Variants in MARCHF6 observed in about 807,000 individuals in gnomAD.
MARCHF6 encodes E3 ubiquitin-protein ligase MARCHF6.
A neutral mutation model predicts 133.7 loss-of-function variants in MARCHF6; 31 were observed. The observed-to-expected ratio is 0.23, with a 90% CI of 0.17 to 0.31. The LOEUF (loss-of-function observed/expected upper bound fraction) is 0.31, where lower values mean the gene tolerates loss of function less well. Ranked by LOEUF, MARCHF6 falls within the 10% of genes least tolerant of loss-of-function variation. The probability of loss-of-function intolerance (pLI) is 1.00; values close to 1 mark genes in which losing one functional copy is unlikely to be tolerated. For synonymous variants in MARCHF6, 395 were observed against 402.5 expected (o/e 0.98, Z 0.22); for missense variants, 723 against 1,121.6 (o/e 0.64, Z 5.08).
intron 25 of MARCHF6, 75 bp downstream of exon 25, chr5:10,430,103 A>G: frequency 2.0e-6 from 3 of 1,490,056 alleles, no homozygotes; most frequent in South Asian, 1.2e-5. Context: ...GTGACAAATC[A>G]TAGGAGGGAA....
At chr5:10,405,144 C>T (rs1354612280) in intron 15 of MARCHF6, among the ~76,000 whole-genome samples, 1 of 152,160 alleles carries the variant, frequency 6.6e-6, no homozygotes, top group Non-Finnish European at 1.5e-5. Context: ...CCTCCTTTAC[C>T]CCATCACCTG....
At chr5:10,384,688 G>C (rs1266582877) in intron 4 of MARCHF6, among the ~76,000 whole-genome samples, 1 of 152,198 alleles carries the variant, frequency 6.6e-6, no homozygotes. Context: ...AATAAAAAGA[G>C]TAGACAGTGC....
At chr5:10,379,926 G>A (rs940862126) in intron 3 of MARCHF6, among the ~76,000 whole-genome samples, 2 of 151,892 alleles carry the variant, frequency 1.3e-5, no homozygotes, top group East Asian at 1.9e-4. Context: ...TTAAATTACC[G>A]TTTTTTTCAT....
At chr5:10,377,553 GATTT>G (rs1736865999) in intron 1 of MARCHF6, among the ~76,000 whole-genome samples, 1 of 152,106 alleles carries the variant, frequency 6.6e-6, no homozygotes, top group African/African-American at 2.4e-5. Flanking sequence ...TTTCGACTTT[GATTT>G]ATTTAAAATC....
chr5:10,400,878 A>G (rs755353043), intron 11 of MARCHF6, 36 bp downstream of exon 11: 7 of 1,431,768 alleles, frequency 4.9e-6, no homozygotes, highest in South Asian at 2.3e-5. Flanking sequence ...ACTTTCATTC[A>G]TTACTCCCAA....
chr5:10,406,743 A>G (rs958318586), intron 16 of MARCHF6, among the ~76,000 whole-genome samples: 1 of 152,204 alleles, frequency 6.6e-6, no homozygotes, highest in African/African-American at 2.4e-5. Context: ...TTTTGTAGCC[A>G]TTAACATGGG....
chr5:10,358,544 A>G (rs143927464), intron 1 of MARCHF6, among the ~76,000 whole-genome samples: 216 of 152,334 alleles, frequency 1.4e-3, no homozygotes, highest in African/African-American at 5.0e-3. Flanking sequence ...CAGTATGATG[A>G]CTACATAACA....
At chr5:10,363,401 A>T (rs1429550216) in intron 1 of MARCHF6, among the ~76,000 whole-genome samples, 3 of 152,250 alleles carry the variant, frequency 2.0e-5, no homozygotes, top group Non-Finnish European at 4.4e-5. Flanking sequence ...GCTATTAAGC[A>T]TATGCAAATA....
chr5:10,368,209 A>T (rs186405712), intron 1 of MARCHF6, among the ~76,000 whole-genome samples: 15 of 152,318 alleles, frequency 9.8e-5, no homozygotes, highest in Non-Finnish European at 1.9e-4. Context: ...TTGACTTTGT[A>T]TGTTTGTAAT....
rs749222302 is a variant in MARCHF6 at position 10,402,577 on chromosome 5, T to C, written c.1167T>C (p.Ile389=). ...VVVEIGVFPL[I]CGWWLDICSL... ...TAGAAATTGGAGTATTCCCTCTCAT[T>C]TGTGGTTGGTGGCTGGATATCTGTT... The change falls in exon 14 of 26, where the codon ATT becomes ATC. Residue 389 remains isoleucine, a synonymous_variant. Transcript: ENST00000274140. 4 of 1,613,894 alleles carry C rather than the reference T, an allele frequency of 2.5e-6. No homozygotes were observed. The highest frequency in any genetic ancestry group is 1.1e-5 in the South Asian group (1 of 91,074).
chr5:10,377,642 G>A (rs951838054), intron 1 of MARCHF6, among the ~76,000 whole-genome samples, 156 bp from the exon 2 acceptor site: 2 of 152,172 alleles, frequency 1.3e-5, no homozygotes, highest in African/African-American at 2.4e-5. Context: ...CACTTGAATA[G>A]CAACTTAATC....
chr5:10,400,111 G>T (rs763754797), intron 10 of MARCHF6, among the ~76,000 whole-genome samples: 1 of 152,176 alleles, frequency 6.6e-6, no homozygotes, highest in Non-Finnish European at 1.5e-5. Flanking sequence ...ACTGGATTCA[G>T]CTGATATCAA....
chr5:10,353,927 C>G lies in MARCHF6; in HGVS notation c.19+10C>G, dbSNP rs1325048249. ...GACACCGCGGAGGAAGGTAAGTCGGCGACGCGCGGCGCCCGAGCCCTTGCG... is the reference window on the plus strand; with the variant it reads ...GACACCGCGGAGGAAGGTAAGTCGGGGACGCGCGGCGCCCGAGCCCTTGCG... On this transcript the variant is annotated intron_variant, in intron 1 of 25. Coordinates refer to ENST00000274140, the MANE Select transcript of MARCHF6 (RefSeq NM_005885.4). 3 of 1,551,602 alleles carry G rather than the reference C, an allele frequency of 1.9e-6. No individual in the cohort carries two copies. The highest frequency in any genetic ancestry group is 2.6e-6 in the Non-Finnish European group (3 of 1,153,724).
intron 19 of MARCHF6, among the ~76,000 whole-genome samples, chr5:10,412,993 G>A (rs1739314114): frequency 6.6e-6 from 1 of 152,160 alleles, no homozygotes; most frequent in Admixed American, 6.5e-5. Context: ...GACAAGAGGA[G>A]TGGTGGGAGA....
intron 9 of MARCHF6, among the ~76,000 whole-genome samples, chr5:10,395,034 C>T (rs1475751268): frequency 6.6e-5 from 10 of 152,092 alleles, no homozygotes; most frequent in Admixed American, 5.9e-4. Context: ...CTCCTGACCT[C>T]GTGATCTGCC....
In MARCHF6 at chr5:10,353,763, C is replaced by CCTTCCTCTCG. The variant is rs1229384438; in HGVS notation, c.-126_-117dup. On this transcript the variant is annotated 5_prime_UTR_variant, in exon 1 of 26. Transcript: ENST00000274140. Reference sequence around the variant, plus strand: ...CTCTCTCCCTCTCCCTCTCCCCTCTCCTTCCTCTCGCTTCCTCTCTCGCAC... The same window carrying CCTTCCTCTCG: ...CTCTCTCCCTCTCCCTCTCCCCTCTCCTTCCTCTCGCTTCCTCTCGCTTCCTCTCTCGCAC... 7.4e-6 allele frequency: 5 copies of CCTTCCTCTCG among 671,638 alleles called. No individual in the cohort carries two copies. The highest frequency in any genetic ancestry group is 1.9e-5 in the African/African-American group (1 of 52,674). The allele number at this position is 671,638 out of a possible 1,614,324, so 41.6% of individuals were successfully genotyped here.
chr5:10,394,893 G>C (rs1738090704), intron 9 of MARCHF6, 108 bp downstream of exon 9: 1 of 646,720 alleles, frequency 1.5e-6, no homozygotes, highest in Non-Finnish European at 2.6e-6. Context: ...TCCGTCTCCT[G>C]GGTTCATGCC....
intron 1 of MARCHF6, among the ~76,000 whole-genome samples, chr5:10,357,890 TAGA>T (rs1387557185): frequency 1.3e-5 from 2 of 151,694 alleles, no homozygotes; most frequent in African/African-American, 2.4e-5. Context: ...ATGGCATAAC[TAGA>T]AGGTTATAAA....
intron 1 of MARCHF6, among the ~76,000 whole-genome samples, chr5:10,368,435 C>T (rs537559333): frequency 6.6e-6 from 1 of 152,144 alleles, no homozygotes; most frequent in South Asian, 2.1e-4. Context: ...GAGTTTGAGA[C>T]CAGACTGGGC....
Sources: gnomAD v4.1 joint callset for allele counts (sites outside exome capture counted in the v4.1 genomes callset) on GRCh38, gnomAD v4.1.1 for gene constraint, MANE v1.5 for transcripts, NCBI Gene and HGNC (gene_info 2026-07-23, HGNC 2026-07-21) for gene names.